The following MSI2 variants were observed in gnomAD, a reference collection of about 807,000 sequenced individuals.
MSI2 encodes RNA-binding protein Musashi homolog 2.
Under a neutral mutation model 45.6 loss-of-function variants are expected in MSI2, and 17 were observed. The observed-to-expected ratio is 0.37, with a 90% CI of 0.26 to 0.56. MSI2 has a LOEUF of 0.56. Ranked by LOEUF, MSI2 falls within the 20% of genes least tolerant of loss-of-function variation. MSI2 has a pLI of 0.77. For synonymous variants in MSI2, 156 were observed against 158.2 expected, an observed-to-expected ratio of 0.99 and a Z score of 0.11; for missense variants, 293 against 444.2, an observed-to-expected ratio of 0.66 and a Z score of 3.06.
At chr17:57,600,568 G>A (rs1905756854) in intron 8 of MSI2, among the ~76,000 whole-genome samples, 1 of 152,174 alleles carries the variant, frequency 6.6e-6, no homozygotes, top group Admixed American at 6.5e-5. Flanking sequence ...GTCTCTTCCT[G>A]GGCATTTTTT....
At chr17:57,468,508 G>A (rs1372190893) in intron 6 of MSI2, among the ~76,000 whole-genome samples, 7 of 130,928 alleles carry the variant, frequency 5.3e-5, no homozygotes, top group South Asian at 4.9e-4. Flanking sequence ...GCAACAGAGC[G>A]AGACTCTATC....
At chr17:57,384,674 G>A (rs974684693) in intron 5 of MSI2, among the ~76,000 whole-genome samples, 16 of 152,140 alleles carry the variant, frequency 1.1e-4, no homozygotes, top group Non-Finnish European at 2.2e-4. Context: ...AGTGAGTGGT[G>A]CTTTGGGTTT....
At chr17:57,356,186 A>G (rs1243226814) in intron 5 of MSI2, among the ~76,000 whole-genome samples, 2 of 152,110 alleles carry the variant, frequency 1.3e-5, no homozygotes, top group African/African-American at 4.8e-5. Flanking sequence ...GTCTTTTTTA[A>G]TCTTTTGCTT....
At chr17:57,273,980 C>T (rs1053140862) in intron 5 of MSI2, among the ~76,000 whole-genome samples, 1 of 152,198 alleles carries the variant, frequency 6.6e-6, no homozygotes, top group African/African-American at 2.4e-5. Context: ...CAAACATCTA[C>T]CCCAGTGTGG....
chr17:57,427,785 C>T (rs2084522108), intron 6 of MSI2, among the ~76,000 whole-genome samples: 2 of 152,114 alleles, frequency 1.3e-5, no homozygotes, highest in African/African-American at 2.4e-5. Context: ...CATATTTGAT[C>T]GGCTTTTAAT....
At chr17:57,359,070 A>G (rs1007540872) in intron 5 of MSI2, among the ~76,000 whole-genome samples, 47 of 152,278 alleles carry the variant, frequency 3.1e-4, no homozygotes, top group African/African-American at 9.4e-4. Flanking sequence ...TGGTCCTGCC[A>G]TCCCAGTGGC....
chr17:57,396,413 C>CCACACACACACACACA (rs55688182), intron 5 of MSI2, among the ~76,000 whole-genome samples: 6 of 150,066 alleles, frequency 4.0e-5, no homozygotes, highest in African/African-American at 1.5e-4. Context: ...AGCACACACA[C>CCACACACACACACACA]CACACACACA....
In MSI2 at chr17:57,682,614, C is replaced by A. The variant is rs978382618; in HGVS notation, c.*3097C>A. 1 of 209,888 alleles carries A rather than the reference C, an allele frequency of 4.8e-6. No individual in the cohort carries two copies. The highest frequency in any genetic ancestry group is 7.2e-5 in the East Asian group (1 of 13,926). The allele number at this position is 209,888 out of a possible 1,614,324, so 13.0% of individuals were successfully genotyped here. ...ACCTAGGTTTAAGGTTCACGTTAGTCCCCCCATTCCATCTAGAAGTCCATT... is the reference window on the plus strand; with the variant it reads ...ACCTAGGTTTAAGGTTCACGTTAGTACCCCCATTCCATCTAGAAGTCCATT... On this transcript the variant is annotated 3_prime_UTR_variant, in exon 14 of 14. Transcript: ENST00000284073.
chr17:57,345,749 G>T (rs1292872543), intron 5 of MSI2, among the ~76,000 whole-genome samples: 3 of 151,396 alleles, frequency 2.0e-5, no homozygotes, highest in Non-Finnish European at 4.4e-5. Flanking sequence ...AACTCAGGTG[G>T]TGGAGGTTGC....
intron 7 of MSI2, among the ~76,000 whole-genome samples, chr17:57,560,716 T>G (rs1394085195): frequency 1.3e-5 from 2 of 152,250 alleles, no homozygotes; most frequent in African/African-American, 4.8e-5. Context: ...AATGCTGCTA[T>G]TATTAACAAT....
chr17:57,256,176 C>T (rs1451793606), upstream of MSI2, among the ~76,000 whole-genome samples: 3 of 152,006 alleles, frequency 2.0e-5, no homozygotes, highest in Non-Finnish European at 2.9e-5. Context: ...GCAAGCTCCC[C>T]GCGCCTCCCC....
chr17:57,568,764 G>T (rs865921351), intron 7 of MSI2, among the ~76,000 whole-genome samples: 1 of 152,190 alleles, frequency 6.6e-6, no homozygotes, highest in African/African-American at 2.4e-5. Flanking sequence ...CCAAAGGAGG[G>T]GAGTACCTGT....
At chr17:57,616,116 G>A (rs745651027) in intron 9 of MSI2, 32 bp downstream of exon 9, 1 of 1,578,174 alleles carries the variant, frequency 6.3e-7, no homozygotes, top group Non-Finnish European at 8.7e-7. Flanking sequence ...GGTCACCATG[G>A]ACTGGGAGGG....
chr17:57,562,883 A>T (rs1464355444), intron 7 of MSI2, among the ~76,000 whole-genome samples: 1 of 152,096 alleles, frequency 6.6e-6, no homozygotes, highest in Non-Finnish European at 1.5e-5. Context: ...GGATCACCTG[A>T]GGTCAGGAGT....
At chr17:57,290,192 A>C (rs1233374126) in intron 5 of MSI2, among the ~76,000 whole-genome samples, 7 of 152,016 alleles carry the variant, frequency 4.6e-5, no homozygotes, top group Non-Finnish European at 1.0e-4. Flanking sequence ...AATAGTACCT[A>C]CTCTGGGGTC....
chr17:57,610,384 G>A (rs1028271012), intron 8 of MSI2, among the ~76,000 whole-genome samples: 1 of 152,082 alleles, frequency 6.6e-6, no homozygotes, highest in Admixed American at 6.5e-5. Context: ...CCCGGGAGGC[G>A]GAGGTTGCAG....
At chr17:57,597,056 T>G (rs1303874488) in intron 8 of MSI2, 106 bp downstream of exon 8, 3 of 795,330 alleles carry the variant, frequency 3.8e-6, no homozygotes, top group East Asian at 5.1e-5. Flanking sequence ...TGGGCAGGGG[T>G]GGGGAGGGGG....
At chr17:57,261,102 G>A (rs547429905) in intron 4 of MSI2, among the ~76,000 whole-genome samples, 1 of 152,286 alleles carries the variant, frequency 6.6e-6, no homozygotes, top group South Asian at 2.1e-4. Flanking sequence ...AACCGACAAC[G>A]GGAATATTTT....
At chr17:57,556,450 C>T (rs1268698248) in intron 7 of MSI2, among the ~76,000 whole-genome samples, 1 of 152,134 alleles carries the variant, frequency 6.6e-6, no homozygotes, top group African/African-American at 2.4e-5. Context: ...ATACTTCTTC[C>T]TTGAGGTGGG....
Sources: gnomAD v4.1 joint callset for allele counts (sites outside exome capture counted in the v4.1 genomes callset) on GRCh38, gnomAD v4.1.1 for gene constraint, MANE v1.5 for transcripts, NCBI Gene and HGNC (gene_info 2026-07-23, HGNC 2026-07-21) for gene names.